TOP1: variants seen among roughly 807,000 people sequenced by gnomAD.
The protein encoded by TOP1 is DNA topoisomerase I.
In TOP1, 10 loss-of-function variants were observed where a neutral mutation model predicts 111.1. That is an observed-to-expected ratio of 0.09 (90% CI 0.06 to 0.15). TOP1 has a LOEUF of 0.15. Among genes scored for constraint, TOP1 ranks in the 10% least tolerant of loss-of-function variants. The pLI is 1.00. For missense variants in TOP1, 474 were observed against 926.7 expected, an observed-to-expected ratio of 0.51 and a Z score of 6.34; for synonymous variants, 271 against 302.9, an observed-to-expected ratio of 0.89 and a Z score of 1.10.
Position 41,083,076 on chromosome 20 carries a change from T to G in TOP1, c.508-1386T>G, listed in dbSNP as rs1166536392. On this transcript the variant is annotated intron_variant, in intron 7 of 20. Transcript: ENST00000361337. The surrounding 1 kb of genome is among the most constrained non-coding windows in gnomAD (Gnocchi z 7.2). ...CAACTATAGTTTTTTTGTTTTTTGT[T>G]TTTTTCTCTTGTTTTTGAGAATTGT... Among the ~76,000 whole-genome samples, 2 of 152,162 alleles carry G rather than the reference T, an allele frequency of 1.3e-5. No individual in the cohort carries two copies. Among genetic ancestry groups the G allele is most frequent in the South Asian group, 2.1e-4 (1 of 4,826 alleles).
chr20:41,036,145 T>G lies in TOP1; in HGVS notation c.58+6690T>G, dbSNP rs116725273. Among the ~76,000 whole-genome samples, 1,042 of 152,350 alleles carry G rather than the reference T, an allele frequency of 6.8e-3. 14 individuals carry two copies. Among genetic ancestry groups the G allele is most frequent in the African/African-American group, 0.024 (993 of 41,592 alleles). Reference sequence around the variant, plus strand: ...AACGTTTTTTTCTTTTTACCCTTTATGCCTTTTCATGTCCCCTTTTTGATA... The same window carrying G: ...AACGTTTTTTTCTTTTTACCCTTTAGGCCTTTTCATGTCCCCTTTTTGATA... On this transcript the variant is annotated intron_variant, in intron 2 of 20. Coordinates refer to ENST00000361337, the MANE Select transcript of TOP1 (RefSeq NM_003286.4).
chr20:41,074,451 G>A (rs1407280709), intron 3 of TOP1, among the ~76,000 whole-genome samples: 2 of 151,594 alleles, frequency 1.3e-5, no homozygotes, highest in African/African-American at 4.8e-5. Context: ...CAATATAGAG[G>A]GAGAAATATG....
chr20:41,053,774 A>G (rs1232871206), intron 2 of TOP1, among the ~76,000 whole-genome samples: 2 of 152,184 alleles, frequency 1.3e-5, no homozygotes, highest in Non-Finnish European at 2.9e-5. Flanking sequence ...CTGCCATTCT[A>G]CATTCTGCCT....
intron 3 of TOP1, among the ~76,000 whole-genome samples, chr20:41,062,471 ACTTATCT>A (rs1292278002): frequency 2.6e-5 from 4 of 152,096 alleles, no homozygotes; most frequent in African/African-American, 7.2e-5. Flanking sequence ...CCTATCCCTC[ACTTATCT>A]CTTATCACTT....
chr20:41,097,416 C>T lies in TOP1; in HGVS notation c.852+75C>T. 1 of 1,396,932 alleles carries T rather than the reference C, an allele frequency of 7.2e-7. No individual in the cohort carries two copies. The allele number at this position is 1,396,932 out of a possible 1,614,324, so 86.5% of individuals were successfully genotyped here. On this transcript the variant is annotated intron_variant, in intron 10 of 20. Coordinates refer to ENST00000361337, the MANE Select transcript of TOP1 (RefSeq NM_003286.4). This position sits in a 1 kb window ranked among gnomAD's most constrained non-coding sequence, Gnocchi z 4.2. ...TACTAAGTAATAAATTATCATTTTGCAAAACATTTCCTGATGTAAAATTTG... is the reference window on the plus strand; with the variant it reads ...TACTAAGTAATAAATTATCATTTTGTAAAACATTTCCTGATGTAAAATTTG...
intron 2 of TOP1, among the ~76,000 whole-genome samples, chr20:41,054,634 C>T (rs1039153386): frequency 1.3e-5 from 2 of 152,154 alleles, no homozygotes; most frequent in East Asian, 1.9e-4. Flanking sequence ...TATTAGTGCC[C>T]TTTTCTCTTG....
Position 41,071,514 on chromosome 20 carries a change from T to C in TOP1, c.156-4657T>C, listed in dbSNP as rs1272004564. ...CATGTGCCACCACGCCCAGCTAATT[T>C]TTGTATTTTTAGTAGAAATGGGGTT... On this transcript the variant is annotated intron_variant, in intron 3 of 20. Coordinates refer to ENST00000361337, the MANE Select transcript of TOP1 (RefSeq NM_003286.4). This position sits in a 1 kb window ranked among gnomAD's most constrained non-coding sequence, Gnocchi z 4.3. 6.6e-6 allele frequency among the ~76,000 whole-genome samples: 1 copy of C among 152,094 alleles called. No homozygotes were observed. The highest frequency in any genetic ancestry group is 1.5e-5 in the Non-Finnish European group (1 of 68,012).
chr20:41,037,106 A>T (rs1434259845), intron 2 of TOP1, among the ~76,000 whole-genome samples: 1 of 152,162 alleles, frequency 6.6e-6, no homozygotes, highest in Admixed American at 6.5e-5. Context: ...CTGGGATTAC[A>T]TGCATGAGCC....
chr20:41,072,704 G>A, intron 3 of TOP1: 2 of 985,400 alleles, frequency 2.0e-6, no homozygotes, highest in Non-Finnish European at 2.4e-6. Flanking sequence ...CTCCATTTGT[G>A]GAGGCAGGGA....
rs1176900336 is a variant in TOP1, at chr20:41,121,616, A to G, written c.1951-80A>G. The G allele has an allele frequency of 2.7e-6, 3 of 1,096,816 alleles. No individual in the cohort carries two copies. The highest frequency in any genetic ancestry group is 1.2e-5 in the South Asian group (1 of 80,006). 67.9% of individuals were successfully genotyped at this position (1,096,816 alleles called of 1,614,324 possible). ...CACTGACAGAGACAGCCTGGTCCAG[A>G]TAACATCTTGGTTTCACCTTCTCAG... On this transcript the variant is annotated intron_variant, in intron 18 of 20. Coordinates refer to ENST00000361337, the MANE Select transcript of TOP1 (RefSeq NM_003286.4). The surrounding 1 kb of genome is among the most constrained non-coding windows in gnomAD (Gnocchi z 4.2).
intron 3 of TOP1, among the ~76,000 whole-genome samples, chr20:41,062,336 A>G (rs1250025472): frequency 6.6e-6 from 1 of 152,228 alleles, no homozygotes; most frequent in Non-Finnish European, 1.5e-5. Flanking sequence ...GTCTGTAGAC[A>G]AGTTAAAGTG....
chr20:41,112,945 G>T lies in TOP1; in HGVS notation c.1452+20G>T. 6.2e-7 allele frequency: 1 copy of T among 1,612,094 alleles called. No individual in the cohort carries two copies. Among genetic ancestry groups the T allele is most frequent in the East Asian group, 2.2e-5 (1 of 44,870 alleles). On this transcript the variant is annotated intron_variant, in intron 14 of 20. Transcript: ENST00000361337. This position sits in a 1 kb window ranked among gnomAD's most constrained non-coding sequence, Gnocchi z 5.8. ...GACAAGGTGAGAGCATCTTCCCATCGGCATTGTCTAGTGTTGAGCTTAACA... is the reference window on the plus strand; with the variant it reads ...GACAAGGTGAGAGCATCTTCCCATCTGCATTGTCTAGTGTTGAGCTTAACA...
At chr20:41,066,422 C>G (rs2033607610) in intron 3 of TOP1, among the ~76,000 whole-genome samples, 1 of 152,098 alleles carries the variant, frequency 6.6e-6, no homozygotes, top group Non-Finnish European at 1.5e-5. Context: ...AATATAGAAG[C>G]TCTTCAGTTG....
Position 41,112,704 on chromosome 20 carries a change from C to T in TOP1, c.1309-78C>T, listed in dbSNP as rs2034262341. The T allele has an allele frequency of 6.6e-7, 1 of 1,514,216 alleles. No homozygotes were observed. Among genetic ancestry groups the T allele is most frequent in the African/African-American group, 1.4e-5 (1 of 72,808 alleles). The allele number at this position is 1,514,216 out of a possible 1,614,324, so 93.8% of individuals were successfully genotyped here. On this transcript the variant is annotated intron_variant, in intron 13 of 20. Coordinates refer to ENST00000361337, the MANE Select transcript of TOP1 (RefSeq NM_003286.4). This position sits in a 1 kb window ranked among gnomAD's most constrained non-coding sequence, Gnocchi z 5.8. ...TAGCTGGGATTATAGGCTTGCGCCA[C>T]CTTGCCTGGCTATATTCAAAGTCTG...
intron 3 of TOP1, among the ~76,000 whole-genome samples, chr20:41,063,110 C>T (rs1471391260): frequency 6.6e-6 from 1 of 152,146 alleles, no homozygotes; most frequent in Non-Finnish European, 1.5e-5. Flanking sequence ...CTCTAGTAGT[C>T]TCCAGTGTCT....
chr20:41,120,728 C>T (rs2034408845), intron 18 of TOP1, among the ~76,000 whole-genome samples: 1 of 152,216 alleles, frequency 6.6e-6, no homozygotes, highest in Non-Finnish European at 1.5e-5. Flanking sequence ...AACTAAGGTC[C>T]TTCCCACCTC....
chr20:41,073,867 G>A (rs1180064693), intron 3 of TOP1, among the ~76,000 whole-genome samples: 1 of 152,166 alleles, frequency 6.6e-6, no homozygotes, highest in Non-Finnish European at 1.5e-5. Flanking sequence ...AGGGCAGGGG[G>A]AGGCAGTATA....
intron 2 of TOP1, among the ~76,000 whole-genome samples, chr20:41,049,532 A>AC (rs1555803154): frequency 3.4e-4 from 51 of 152,212 alleles, no homozygotes; most frequent in Non-Finnish European, 6.6e-4. Flanking sequence ...GTAACATTAG[A>AC]GGCTGATTCT....
chr20:41,098,436 A>G lies in TOP1; in HGVS notation c.975+99A>G. 7.8e-7 allele frequency: 1 copy of G among 1,279,650 alleles called. No individual in the cohort carries two copies. The highest frequency in any genetic ancestry group is 1.4e-5 in the South Asian group (1 of 71,238). The allele number at this position is 1,279,650 out of a possible 1,614,324, so 79.3% of individuals were successfully genotyped here. On this transcript the variant is annotated intron_variant, in intron 11 of 20. Coordinates refer to ENST00000361337, the MANE Select transcript of TOP1 (RefSeq NM_003286.4). The surrounding 1 kb of genome is among the most constrained non-coding windows in gnomAD (Gnocchi z 5.7). ...TTATGACACAACATTAACATCAGTA[A>G]TTTCACATCATTCTATGCTAAAGAC...
Sources: gnomAD v4.1 joint callset for allele counts (sites outside exome capture counted in the v4.1 genomes callset) on GRCh38, gnomAD v4.1.1 for gene constraint, Gnocchi (gnomAD v3.1) non-coding constraint, MANE v1.5 for transcripts, NCBI Gene and HGNC (gene_info 2026-07-23, HGNC 2026-07-21) for gene names.